Variants in RYR2 observed in about 807,000 individuals in gnomAD.
RYR2 encodes the protein ryanodine receptor 2.
In RYR2, 227 loss-of-function variants were observed where a neutral mutation model predicts 601.1. The observed-to-expected ratio is 0.38, with a 90% CI of 0.34 to 0.42. The LOEUF (loss-of-function observed/expected upper bound fraction) is 0.42. RYR2 is among the 10% of genes least tolerant of loss of function. The probability of loss-of-function intolerance (pLI) is 1.00; values close to 1 mark genes in which losing one functional copy is unlikely to be tolerated. For synonymous variants in RYR2, 2,223 were observed against 2,175.1 expected (o/e 1.02, Z -0.61); for missense variants, 4,646 against 6,156.5 (o/e 0.75, Z 8.21).
intron 27 of RYR2, among the ~76,000 whole-genome samples, chr1:237,553,508 A>G (rs1670603124): frequency 6.6e-6 from 1 of 151,892 alleles, no homozygotes; most frequent in South Asian, 2.1e-4. Flanking sequence ...AAGTCTTCCA[A>G]CTTCTTTCAT....
At chr1:237,792,366 T>TGTGTGCGCGCGC (rs1553327290) in intron 94 of RYR2, 43 bp downstream of exon 94, 155 of 805,198 alleles carry the variant, frequency 1.9e-4, no homozygotes, top group Non-Finnish European at 2.4e-4. Context: ...TGTGTGTGTG[T>TGTGTGCGCGCGC]GTGTGTGTGT....
chr1:237,496,604 T>TG lies in RYR2; in HGVS notation c.2056dup (p.Val686GlyfsTer4), dbSNP rs1664102697. 6.2e-7 allele frequency: 1 copy of TG among 1,613,880 alleles called. No homozygotes were observed. Among genetic ancestry groups the TG allele is most frequent in the Non-Finnish European group, 8.5e-7 (1 of 1,179,912 alleles). ...TGATGGTGGACCACACAGAGCCCTT[T>TG]GTGACAGCTGAAGCAACTCACCTGC... On this transcript the variant is annotated frameshift_variant, in exon 20 of 105. Transcript: ENST00000366574. LOFTEE classifies it high-confidence loss of function.
At chr1:237,508,734 CTTTTTTTTTTT>C (rs869044432) in intron 23 of RYR2, among the ~76,000 whole-genome samples, 2 of 77,642 alleles carry the variant, frequency 2.6e-5, no homozygotes, top group African/African-American at 8.4e-5. Flanking sequence ...TTCGGGTTTT[CTTTTTTTTTTT>C]TTTTTTTTTT....
chr1:237,442,940 G>T (rs1350375018), intron 13 of RYR2, among the ~76,000 whole-genome samples: 1 of 152,158 alleles, frequency 6.6e-6, no homozygotes, highest in Non-Finnish European at 1.5e-5. Flanking sequence ...CACTTAAATT[G>T]TTGGAAAACT....
At chr1:237,269,701 T>C (rs188960704) in intron 1 of RYR2, among the ~76,000 whole-genome samples, 103 of 152,310 alleles carry the variant, frequency 6.8e-4, no homozygotes, top group African/African-American at 2.3e-3. Context: ...CTTCGTCATT[T>C]TAGAAATTCA....
In RYR2 at chr1:237,627,876, A is replaced by C; in HGVS notation, c.6236A>C (p.Glu2079Ala). Reference protein sequence around the residue: ...WAQESVIEDPELVRAMFVLLH... With the variant: ...WAQESVIEDPALVRAMFVLLH... ...CAGGAGTCTGTCATTGAAGACCCCG[A>C]GCTGGTGAGGGCCATGTTTGTGTTG... Residue 2079 changes from glutamate to alanine, a missense_variant, in exon 41 of 105, where the codon GAG (glutamate) becomes GCG (alanine). By Grantham distance (107) the Glu-to-Ala change is moderately radical (BLOSUM62 -1). Transcript: ENST00000366574. 4 of 1,613,744 alleles carry C rather than the reference A, an allele frequency of 2.5e-6. No homozygotes were observed. Among genetic ancestry groups the C allele is most frequent in the Non-Finnish European group, 3.4e-6 (4 of 1,179,784 alleles).
At chr1:237,745,445 C>T (rs551139295) in intron 80 of RYR2, among the ~76,000 whole-genome samples, 1 of 152,150 alleles carries the variant, frequency 6.6e-6, no homozygotes, top group South Asian at 2.1e-4. Context: ...AAGTTAATGC[C>T]TCAAGAATGT....
At chr1:237,569,940 G>A (rs962601263) in intron 29 of RYR2, among the ~76,000 whole-genome samples, 1 of 152,132 alleles carries the variant, frequency 6.6e-6, no homozygotes, top group Non-Finnish European at 1.5e-5. Context: ...AGGGTGGGCC[G>A]GGTTCAGTGG....
chr1:237,759,953 A>C, intron 83 of RYR2, 101 bp downstream of exon 83: 1 of 754,954 alleles, frequency 1.3e-6, no homozygotes, highest in East Asian at 2.5e-5. Flanking sequence ...AAGAATAGTT[A>C]ATGATTAACA....
At chr1:237,148,923 G>A (rs996734458) in intron 1 of RYR2, among the ~76,000 whole-genome samples, 3 of 152,028 alleles carry the variant, frequency 2.0e-5, no homozygotes, top group African/African-American at 4.8e-5. Context: ...CAGATTTTGG[G>A]AAATCCAGCC....
rs1558424783 is a variant in RYR2 at position 237,792,330 on chromosome 1, T to C, written c.13782+7T>C. 1 of 1,587,150 alleles carries C rather than the reference T, an allele frequency of 6.3e-7. No individual in the cohort carries two copies. ...TGGATACTACTGCTTGAAAGTAAGA[T>C]AGTAAGGCACCAAGGTACCTGTGTG... On this transcript the variant is annotated splice_region_variant and intron_variant, in intron 94 of 104. Transcript: ENST00000366574.
intron 93 of RYR2, 69 bp downstream of exon 93, chr1:237,791,584 G>A (rs948950476): frequency 6.1e-6 from 5 of 823,216 alleles, no homozygotes; most frequent in Admixed American, 4.1e-5. Context: ...AAGATTTCAC[G>A]ATGAACGTAT....
rs1227452716 is a variant in RYR2, at chr1:237,370,912, G to A, written c.384+1304G>A. ...CCTGACCTGGTGATCCGCCTGCCTC[G>A]GCCTTCCGGAGTGCTGGGATTACAG... is the stretch of plus-strand genomic sequence containing the variant. On this transcript the variant is annotated intron_variant, in intron 6 of 104. Transcript: ENST00000366574. Among the ~76,000 whole-genome samples, 5 of 152,070 alleles carry A rather than the reference G, an allele frequency of 3.3e-5. 1 individual carries two copies. Among genetic ancestry groups the A allele is most frequent in the South Asian group, 2.1e-4 (1 of 4,824 alleles).
intron 1 of RYR2, among the ~76,000 whole-genome samples, chr1:237,100,419 C>T (rs1667957592): frequency 6.6e-6 from 1 of 151,784 alleles, no homozygotes; most frequent in East Asian, 1.9e-4. Context: ...CAGAGTCTCA[C>T]TCTTTCACCC....
rs560249862 is a variant in RYR2, at chr1:237,425,058, T to C, written c.1005+1810T>C. ...AAAACATATTCATTATTTAGAGTGA[T>C]AATTGTAACAAAATTAAAAGTAGTT... is the stretch of plus-strand genomic sequence containing the variant. On this transcript the variant is annotated intron_variant, in intron 12 of 104. Coordinates refer to ENST00000366574, the MANE Select transcript of RYR2 (RefSeq NM_001035.3). Among the ~76,000 whole-genome samples the C allele has an allele frequency of 1.1e-4, 16 of 152,338 alleles. No individual in the cohort carries two copies. The South Asian group carries it at 3.3e-3, about 32-fold the overall frequency.
chr1:237,171,296 G>T (rs1438935019), intron 1 of RYR2, among the ~76,000 whole-genome samples: 1 of 151,674 alleles, frequency 6.6e-6, no homozygotes, highest in African/African-American at 2.4e-5. Context: ...GCTTTAAAAT[G>T]TCAGTAACAG....
intron 69 of RYR2, 94 bp from the exon 70 acceptor site, chr1:237,709,385 TG>T: frequency 1.2e-6 from 1 of 811,706 alleles, no homozygotes; most frequent in South Asian, 1.5e-5. Context: ...ATGAGCTCTG[TG>T]GTCAGTACAT....
At chr1:237,508,025 G>A (rs565443544) in intron 23 of RYR2, among the ~76,000 whole-genome samples, 1 of 152,140 alleles carries the variant, frequency 6.6e-6, no homozygotes, top group Non-Finnish European at 1.5e-5. Flanking sequence ...GTGCAGTGGT[G>A]TGATCTTGGC....
intron 84 of RYR2, among the ~76,000 whole-genome samples, chr1:237,769,582 T>C (rs909741028): frequency 1.3e-5 from 2 of 152,204 alleles, no homozygotes; most frequent in East Asian, 3.9e-4. Context: ...TACCATTATA[T>C]GAAGCCTCTC....
Sources: gnomAD v4.1 joint callset for allele counts (sites outside exome capture counted in the v4.1 genomes callset) on GRCh38, gnomAD v4.1.1 for gene constraint, MANE v1.5 for transcripts, NCBI Gene and HGNC (gene_info 2026-07-23, HGNC 2026-07-21) for gene names.